Variants in ARHGEF7 observed in about 807,000 individuals in gnomAD.
The protein encoded by ARHGEF7 is Rho guanine nucleotide exchange factor 7, also known as PAK-interacting exchange factor beta.
In ARHGEF7, 33 loss-of-function variants were observed where a neutral mutation model predicts 109.8. That is an observed-to-expected ratio of 0.30 (90% CI 0.23 to 0.40). ARHGEF7 has a LOEUF of 0.40. Among genes scored for constraint, ARHGEF7 ranks in the 10% least tolerant of loss-of-function variants. The pLI, the probability that ARHGEF7 is intolerant of heterozygous loss-of-function variation, is 1.00. For synonymous variants in ARHGEF7, 458 were observed against 424.6 expected (o/e 1.08, Z -0.97); for missense variants, 938 against 1,098.5 (o/e 0.85, Z 2.07).
Position 111,115,604 on chromosome 13 carries a change from C to T in ARHGEF7, c.78C>T (p.Asp26=). 3 of 1,418,496 alleles carry T rather than the reference C, an allele frequency of 2.1e-6. No homozygotes were observed. The highest frequency in any genetic ancestry group is 1.4e-5 in the South Asian group (1 of 73,586). 87.9% of individuals were successfully genotyped at this position (1,418,496 alleles called of 1,614,324 possible). A position where few individuals can be genotyped will look rare whatever the true frequency, so the allele number is the denominator to read the frequency against. ...VLESPKKTIS[D]PEGFLQASLK... Reference sequence around the variant, plus strand: ...AGTCGCCCAAAAAAACCATCTCGGACCCGGAGGGCTTTCTGCAGGCGTCGC... The same window carrying T: ...AGTCGCCCAAAAAAACCATCTCGGATCCGGAGGGCTTTCTGCAGGCGTCGC... The change falls in exon 1 of 22, where the codon GAC becomes GAT. Residue 26 remains aspartate, a synonymous_variant. Transcript: ENST00000646102.
rs1461088822 is a variant in ARHGEF7 at position 111,277,572 on chromosome 13, C to CT, written c.1420-8dup. On this transcript the variant is annotated splice_polypyrimidine_tract_variant and intron_variant, in intron 12 of 21. Transcript: ENST00000646102. ...GTTTTTTAAGAAATGTTTTGGATTT[C>CT]TTTTTTTGTATTAGGAAAAGAATGA... 10 of 1,535,396 alleles carry CT rather than the reference C, an allele frequency of 6.5e-6. No individual in the cohort carries two copies. Among genetic ancestry groups the CT allele is most frequent in the South Asian group, 1.1e-5 (1 of 87,916 alleles).
chr13:111,224,519 T>A (rs1426707340), intron 5 of ARHGEF7, among the ~76,000 whole-genome samples: 4 of 152,238 alleles, frequency 2.6e-5, no homozygotes, highest in African/African-American at 9.6e-5. Context: ...TGTAAAGACA[T>A]TTCTTTTAAA....
At chr13:111,262,179 A>G (rs1038914237) in intron 8 of ARHGEF7, among the ~76,000 whole-genome samples, 1 of 152,254 alleles carries the variant, frequency 6.6e-6, no homozygotes, top group Non-Finnish European at 1.5e-5. Flanking sequence ...TTGAAAAAAT[A>G]AAATTGACAA....
intron 1 of ARHGEF7, chr13:111,116,558 C>G (rs1424290982): frequency 0.071 from 630 of 8,872 alleles, 4 homozygotes; most frequent in African/African-American, 0.22. Context: ...GGTGTTTCTT[C>G]GGGGGGTGGG....
At chr13:111,245,272 G>A (rs995528347) in intron 8 of ARHGEF7, among the ~76,000 whole-genome samples, 2 of 152,034 alleles carry the variant, frequency 1.3e-5, no homozygotes, top group African/African-American at 4.8e-5. Flanking sequence ...CCTTTTTTTG[G>A]TGCAAGTTTG....
chr13:111,270,756 G>C (rs2092077787), intron 9 of ARHGEF7, among the ~76,000 whole-genome samples: 2 of 152,206 alleles, frequency 1.3e-5, no homozygotes, highest in East Asian at 3.8e-4. Flanking sequence ...ATTTAAAGGA[G>C]TTGAAATATA....
In ARHGEF7 at chr13:111,190,548, C is replaced by CCTTT. The variant is rs61039670; in HGVS notation, c.253-14740_253-14737dup. Among the ~76,000 whole-genome samples, 590 of 152,224 alleles carry CCTTT rather than the reference C, an allele frequency of 3.9e-3. 1 individual carries two copies. The highest frequency in any genetic ancestry group is 0.014 in the African/African-American group (561 of 41,550). On this transcript the variant is annotated intron_variant, in intron 2 of 21. Transcript: ENST00000646102. ...CGTTATTTCTTGCAAACTGAGAAAT[C>CCTTT]CTTTGAGAGTGTGTGGTAGTAGGAT... is the stretch of plus-strand genomic sequence containing the variant.
chr13:111,207,004 T>C (rs535524760), intron 3 of ARHGEF7, among the ~76,000 whole-genome samples: 13 of 150,564 alleles, frequency 8.6e-5, no homozygotes, highest in South Asian at 2.1e-4. Flanking sequence ...AAATCACTTA[T>C]CTAAAGTTAT....
intron 8 of ARHGEF7, among the ~76,000 whole-genome samples, chr13:111,257,414 C>T (rs780060359): frequency 3.3e-5 from 5 of 152,158 alleles, no homozygotes; most frequent in Admixed American, 6.5e-5. Context: ...AAGAAAATAT[C>T]CAATGTGTTT....
chr13:111,256,414 T>G (rs2090428754), intron 8 of ARHGEF7, among the ~76,000 whole-genome samples: 1 of 152,262 alleles, frequency 6.6e-6, no homozygotes, highest in South Asian at 2.1e-4. Flanking sequence ...GGTTCTGTCC[T>G]GAGCCTGCTC....
intron 1 of ARHGEF7, among the ~76,000 whole-genome samples, chr13:111,139,345 C>T (rs754520433): frequency 6.6e-6 from 1 of 152,190 alleles, no homozygotes; most frequent in Non-Finnish European, 1.5e-5. Context: ...CTCTGTGTCT[C>T]TCTGTGACTC....
At chr13:111,298,542 C>G (rs2093477386) in intron 19 of ARHGEF7, among the ~76,000 whole-genome samples, 1 of 152,258 alleles carries the variant, frequency 6.6e-6, no homozygotes, top group Non-Finnish European at 1.5e-5. Context: ...CCTTGCAGCC[C>G]AAAGGGCTGT....
At chr13:111,233,468 AT>A (rs540068928) in intron 6 of ARHGEF7, among the ~76,000 whole-genome samples, 175 bp downstream of exon 6, 72 of 152,238 alleles carry the variant, frequency 4.7e-4, no homozygotes, top group African/African-American at 1.6e-3. Flanking sequence ...TAATCTCTGT[AT>A]TTTTGTAATT....
At chr13:111,222,784 G>A (rs1457483657) in intron 5 of ARHGEF7, among the ~76,000 whole-genome samples, 2 of 152,138 alleles carry the variant, frequency 1.3e-5, no homozygotes, top group Non-Finnish European at 2.9e-5. Flanking sequence ...ATTTTTTACC[G>A]TGTTACTCTA....
chr13:111,161,721 A>G (rs2076756679), intron 2 of ARHGEF7, among the ~76,000 whole-genome samples: 2 of 151,382 alleles, frequency 1.3e-5, no homozygotes, highest in African/African-American at 4.8e-5. Context: ...CAGTGTTAAA[A>G]TTAGTATTTC....
At chr13:111,165,863 G>C (rs2077085222) in intron 2 of ARHGEF7, among the ~76,000 whole-genome samples, 1 of 152,164 alleles carries the variant, frequency 6.6e-6, no homozygotes, top group Non-Finnish European at 1.5e-5. Context: ...TGTCCCTGAG[G>C]TTCTTCATGC....
At chr13:111,270,053 G>C (rs1337138875) in intron 9 of ARHGEF7, among the ~76,000 whole-genome samples, 1 of 152,212 alleles carries the variant, frequency 6.6e-6, no homozygotes, top group Non-Finnish European at 1.5e-5. Context: ...TGTGTTACTT[G>C]GGTTTAAGTT....
intron 18 of ARHGEF7, 149 bp from the exon 19 acceptor site, chr13:111,291,969 C>T: frequency 1.5e-6 from 1 of 652,366 alleles, no homozygotes; most frequent in Non-Finnish European, 2.6e-6. Context: ...GAAAAATATG[C>T]ATTGTTGCCA....
At chr13:111,190,228 C>T (rs149285355) in intron 2 of ARHGEF7, among the ~76,000 whole-genome samples, 3 of 152,198 alleles carry the variant, frequency 2.0e-5, no homozygotes, top group African/African-American at 4.8e-5. Context: ...GGCCCGAAGG[C>T]GAGTAATAGC....
Sources: allele counts gnomAD v4.1 joint callset (sites outside exome capture counted in the v4.1 genomes callset), GRCh38; gene constraint gnomAD v4.1.1; transcripts MANE v1.5; gene names NCBI Gene and HGNC (gene_info 2026-07-23, HGNC 2026-07-21).